ZMAT1: variants seen among roughly 807,000 people sequenced by gnomAD.
ZMAT1 encodes the protein zinc finger matrin-type protein 1.
A neutral mutation model predicts 18.5 loss-of-function variants in ZMAT1; 11 were observed. That is an observed-to-expected ratio of 0.59 (90% CI 0.37 to 0.98). The LOEUF (loss-of-function observed/expected upper bound fraction) is 0.98. ZMAT1 is among the 50% of genes least tolerant of loss of function. The probability of loss-of-function intolerance (pLI) is 0.01; values close to 1 mark genes in which losing one functional copy is unlikely to be tolerated. For missense variants in ZMAT1, 525 were observed against 496.2 expected, an observed-to-expected ratio of 1.06 and a Z score of -0.55; for synonymous variants, 211 against 176.4, an observed-to-expected ratio of 1.20 and a Z score of -1.55.
At position 101,904,327 on chromosome X, in the gene ZMAT1, G is replaced by A. The variant is rs1482321692; in HGVS notation, c.296C>T (p.Ala99Val). ...VDTRPCLREDAIWNEQEKAEL... is the reference protein window; with the variant it reads ...VDTRPCLREDVIWNEQEKAEL... ...AGCCTTTTCCTGTTCATTCCAAATGGCGTCTGTGAATAAAAAAGGGAAGAC... is the reference window on the plus strand; with the variant it reads ...AGCCTTTTCCTGTTCATTCCAAATGACGTCTGTGAATAAAAAAGGGAAGAC... The change falls in exon 2 of 6, where the codon GCC becomes GTC. Residue 99 changes from alanine (A) to valine (V), a missense_variant. Transcript: ENST00000651725. The A allele has an allele frequency of 3.2e-5, 38 of 1,184,225 alleles. No homozygotes were observed. The highest frequency in any genetic ancestry group is 4.7e-5 in the Admixed American group (2 of 42,324).
At chrX:101,902,891 A>T (rs900843719) in intron 2 of ZMAT1, among the ~76,000 whole-genome samples, 1 of 111,728 alleles carries the variant, frequency 9.0e-6, no homozygotes, top group Non-Finnish European at 1.9e-5. Flanking sequence ...GAGAGTCTGT[A>T]TATCTTTTTT....
Position 101,883,305 on chromosome X carries a change from A to G in ZMAT1, c.*205T>C, listed in dbSNP as rs944430174. On this transcript the variant is annotated 3_prime_UTR_variant, in exon 6 of 6. Coordinates refer to ENST00000651725, the MANE Select transcript of ZMAT1 (RefSeq NM_001394560.1). ...TCTCTTATGTTCTCCTTGAGTTCTT[A>G]TGTTCTTTTCTCAGAGGTTAAGTTT... 9.1e-5 allele frequency: 23 copies of G among 251,617 alleles called. No homozygotes were observed. The highest frequency in any genetic ancestry group is 1.4e-4 in the African/African-American group (2 of 14,183). The allele number at this position is 251,617 out of a possible 1,213,427, so 20.7% of individuals were successfully genotyped here.
At chrX:101,921,933 C>G (rs1929759285) in intron 1 of ZMAT1, among the ~76,000 whole-genome samples, 2 of 111,414 alleles carry the variant, frequency 1.8e-5, no homozygotes, top group Non-Finnish European at 3.8e-5. Flanking sequence ...CGATTAAATA[C>G]GTGGTTCTTT....
intron 1 of ZMAT1, among the ~76,000 whole-genome samples, chrX:101,924,498 T>C (rs142297503): frequency 3.4e-3 from 387 of 112,349 alleles, no homozygotes; most frequent in African/African-American, 0.012. Flanking sequence ...ATACCATCTT[T>C]AAAATATACA....
intron 1 of ZMAT1, among the ~76,000 whole-genome samples, chrX:101,930,166 T>C (rs777083284): frequency 1.9e-4 from 21 of 112,286 alleles, no homozygotes; most frequent in African/African-American, 6.8e-4. Context: ...CATATTTTTT[T>C]TTCCACGAGA....
chrX:101,929,419 G>A (rs372742085), intron 1 of ZMAT1, among the ~76,000 whole-genome samples: 1 of 85,473 alleles, frequency 1.2e-5, no homozygotes, highest in Non-Finnish European at 2.2e-5. Context: ...TATATAGAGA[G>A]AGATTATATA....
chrX:101,929,413 TAG>T (rs67232360), intron 1 of ZMAT1, among the ~76,000 whole-genome samples: 2 of 92,670 alleles, frequency 2.2e-5, no homozygotes, highest in South Asian at 5.3e-4. Context: ...ATTCTATATA[TAG>T]AGAGAGATTA....
rs1226308258 is a variant in ZMAT1, at chrX:101,882,442, CT to C, written c.*1067del. ...CAGAACTAGAAAATGCAAAAATACA[CT>C]GCAAATTAGATTTAACAAAGAAAAA... On this transcript the variant is annotated 3_prime_UTR_variant, in exon 6 of 6. Coordinates refer to ENST00000651725, the MANE Select transcript of ZMAT1 (RefSeq NM_001394560.1). 3 of 111,779 alleles carry C rather than the reference CT, an allele frequency of 2.7e-5. No individual in the cohort carries two copies. The highest frequency in any genetic ancestry group is 3.8e-5 in the Non-Finnish European group (2 of 52,960). 9.2% of individuals were successfully genotyped at this position (111,779 alleles called of 1,213,427 possible).
intron 1 of ZMAT1, chrX:101,918,716 T>C (rs1245331943): frequency 2.7e-5 from 3 of 111,378 alleles, no homozygotes; most frequent in Non-Finnish European, 5.7e-5. Context: ...AGAAGAACCA[T>C]TTCTTTTAAG....
intron 1 of ZMAT1, among the ~76,000 whole-genome samples, chrX:101,910,673 A>G (rs1215710296): frequency 8.9e-6 from 1 of 112,422 alleles, no homozygotes; most frequent in Non-Finnish European, 1.9e-5. Context: ...AGCAGAACAG[A>G]TAAAGCAGAA....
At chrX:101,911,640 C>A in intron 1 of ZMAT1, 1 of 1,203,623 alleles carries the variant, frequency 8.3e-7, no homozygotes, top group Non-Finnish European at 1.1e-6. Flanking sequence ...AGCGAATCCA[C>A]GCTGGGGAGA....
At chrX:101,889,148 T>A (rs1927186656) in intron 4 of ZMAT1, 1 of 111,715 alleles carries the variant, frequency 9.0e-6, no homozygotes, top group African/African-American at 3.3e-5. Context: ...GATTCAGACA[T>A]CTCAGAAAAT....
intron 4 of ZMAT1, among the ~76,000 whole-genome samples, chrX:101,897,174 G>A (rs1384005084): frequency 9.2e-6 from 1 of 109,288 alleles, no homozygotes; most frequent in African/African-American, 3.3e-5. Flanking sequence ...AAAATGATGA[G>A]TTCATGTCCT....
At chrX:101,887,136 C>A in intron 4 of ZMAT1, 1 of 562,538 alleles carries the variant, frequency 1.8e-6, no homozygotes, top group African/African-American at 2.5e-5. Context: ...TTCCACCCAA[C>A]CAAAACCTGA....
chrX:101,897,635 A>C (rs189145079), intron 4 of ZMAT1, among the ~76,000 whole-genome samples: 1 of 110,932 alleles, frequency 9.0e-6, no homozygotes, highest in Non-Finnish European at 1.9e-5. Flanking sequence ...CTTTTGTTTG[A>C]ATTTGGTGAA....
At chrX:101,894,533 G>T (rs1437972047) in intron 4 of ZMAT1, 2 of 645,845 alleles carry the variant, frequency 3.1e-6, no homozygotes, top group African/African-American at 4.8e-5. Flanking sequence ...CTGCCATTTG[G>T]ATATGTGAAT....
At chrX:101,897,492 T>TA (rs779265558) in intron 4 of ZMAT1, among the ~76,000 whole-genome samples, 3 of 46,233 alleles carry the variant, frequency 6.5e-5, no homozygotes, top group African/African-American at 1.7e-4. Context: ...AGTATAATAA[T>TA]AAAAAAAAGA....
At chrX:101,911,491 C>T in intron 1 of ZMAT1, 1 of 741,714 alleles carries the variant, frequency 1.3e-6, no homozygotes, top group South Asian at 2.8e-5. Flanking sequence ...AGACATAGTA[C>T]AGTAAGATAT....
intron 1 of ZMAT1, chrX:101,915,660 G>A (rs1929274624): frequency 1.8e-5 from 2 of 112,212 alleles, no homozygotes; most frequent in African/African-American, 6.5e-5. Flanking sequence ...CCTGCATATG[G>A]ATGACACACA....
Sources: gnomAD v4.1 joint callset for allele counts (sites outside exome capture counted in the v4.1 genomes callset) on GRCh38, gnomAD v4.1.1 for gene constraint, MANE v1.5 for transcripts, NCBI Gene and HGNC (gene_info 2026-07-23, HGNC 2026-07-21) for gene names.